NRXN1: variants seen among roughly 807,000 people sequenced by gnomAD.
NRXN1 encodes the protein neurexin-1.
In NRXN1, 39 loss-of-function variants were observed where a neutral mutation model predicts 150.9. The ratio of observed to expected loss-of-function variants is 0.26; its 90% CI spans 0.20 to 0.34. NRXN1 has a LOEUF of 0.34. Among genes scored for constraint, NRXN1 ranks in the 10% least tolerant of loss-of-function variants. The pLI, the probability that NRXN1 is intolerant of heterozygous loss-of-function variation, is 1.00. For synonymous variants in NRXN1, 924 were observed against 757.0 expected (o/e 1.22, Z -3.62); for missense variants, 1,815 against 1,949.9 (o/e 0.93, Z 1.30).
At chr2:50,432,648 T>C (rs2104383433) in intron 17 of NRXN1, among the ~76,000 whole-genome samples, 1 of 152,276 alleles carries the variant, frequency 6.6e-6, no homozygotes, top group South Asian at 2.1e-4. Context: ...CAGGAGAGTT[T>C]TTATCCTTCT....
At chr2:50,280,454 G>A (rs1426214891) in intron 17 of NRXN1, among the ~76,000 whole-genome samples, 2 of 152,072 alleles carry the variant, frequency 1.3e-5, no homozygotes, top group South Asian at 2.1e-4. Flanking sequence ...ATATAGCCAT[G>A]TGGCATGGAT....
chr2:50,520,000 A>G (rs756814964), intron 12 of NRXN1, among the ~76,000 whole-genome samples: 1 of 151,966 alleles, frequency 6.6e-6, no homozygotes, highest in Non-Finnish European at 1.5e-5. Flanking sequence ...TGTTGCTAAA[A>G]TTAGAGAACG....
intron 18 of NRXN1, among the ~76,000 whole-genome samples, chr2:50,176,547 G>T (rs995389337): frequency 6.6e-6 from 1 of 151,934 alleles, no homozygotes; most frequent in Non-Finnish European, 1.5e-5. Context: ...AATATACCCT[G>T]GGAGCAACAT....
chr2:50,436,142 T>C (rs1165662022), intron 17 of NRXN1, among the ~76,000 whole-genome samples: 2 of 152,172 alleles, frequency 1.3e-5, no homozygotes. Context: ...CCAGCTCCCC[T>C]ACTATTTAAT....
chr2:50,131,812 A>G (rs571971268), intron 18 of NRXN1, among the ~76,000 whole-genome samples: 9 of 152,306 alleles, frequency 5.9e-5, no homozygotes, highest in African/African-American at 2.2e-4. Context: ...TTGTAGGAAA[A>G]AAACAGAGGG....
intron 21 of NRXN1, among the ~76,000 whole-genome samples, chr2:49,985,028 G>A (rs1235289332): frequency 6.6e-6 from 1 of 152,194 alleles, no homozygotes; most frequent in African/African-American, 2.4e-5. Context: ...GAATGGGGCA[G>A]TGAAATCAGA....
At chr2:50,912,612 T>A (rs756833108) in intron 5 of NRXN1, among the ~76,000 whole-genome samples, 1 of 151,514 alleles carries the variant, frequency 6.6e-6, no homozygotes, top group Non-Finnish European at 1.5e-5. Flanking sequence ...TGAGAACTAC[T>A]AGGTAGAACA....
intron 5 of NRXN1, among the ~76,000 whole-genome samples, chr2:50,847,840 C>A (rs1425598289): frequency 6.6e-6 from 1 of 152,052 alleles, no homozygotes; most frequent in Non-Finnish European, 1.5e-5. Flanking sequence ...GCTGGAGCGA[C>A]CAGAGAAGAG....
At chr2:50,557,546 G>C (rs1573538044) in intron 8 of NRXN1, among the ~76,000 whole-genome samples, 1 of 152,090 alleles carries the variant, frequency 6.6e-6, no homozygotes, top group East Asian at 1.9e-4. Context: ...TCAAACCTGT[G>C]ACCTTGTGCA....
intron 18 of NRXN1, among the ~76,000 whole-genome samples, chr2:50,098,410 G>A (rs2152706492): frequency 6.6e-6 from 1 of 152,110 alleles, no homozygotes; most frequent in South Asian, 2.1e-4. Flanking sequence ...GCCTCAAACT[G>A]CCATGGGAGC....
intron 17 of NRXN1, among the ~76,000 whole-genome samples, chr2:50,439,673 C>A (rs577416515): frequency 1.3e-5 from 2 of 151,754 alleles, no homozygotes; most frequent in African/African-American, 2.4e-5. Context: ...AAAAATTAGT[C>A]GGGCGTGGTG....
chr2:50,885,520 T>A (rs1361970513), intron 5 of NRXN1, among the ~76,000 whole-genome samples: 1 of 151,250 alleles, frequency 6.6e-6, no homozygotes, highest in Non-Finnish European at 1.5e-5. Context: ...TGCTATGATA[T>A]CCCCATAATG....
Position 50,803,073 on chromosome 2 carries a change from T to A in NRXN1, c.832+118796A>T, listed in dbSNP as rs181091477. ...TAGCCCTAAACAACAAATTCAACTC[T>A]TTTTCCAGTATTAACAGTAGTAAAA... On this transcript the variant is annotated intron_variant, in intron 5 of 22. Transcript: ENST00000401669. Among the ~76,000 whole-genome samples the A allele has an allele frequency of 6.4e-4, 97 of 152,248 alleles. No homozygotes were observed. The East Asian group carries it at 0.015, about 24-fold the overall frequency.
At chr2:50,494,606 C>A (rs1008562799) in intron 15 of NRXN1, among the ~76,000 whole-genome samples, 1 of 152,180 alleles carries the variant, frequency 6.6e-6, no homozygotes, top group South Asian at 2.1e-4. Flanking sequence ...AGAAGGGAGA[C>A]GGCCATTACC....
chr2:51,025,519 T>C (rs776300401), intron 2 of NRXN1, among the ~76,000 whole-genome samples: 1 of 152,176 alleles, frequency 6.6e-6, no homozygotes, highest in African/African-American at 2.4e-5. Context: ...CAAGCTGTCA[T>C]TGTGTCATAT....
intron 21 of NRXN1, among the ~76,000 whole-genome samples, chr2:49,962,695 A>G (rs1198808152): frequency 2.0e-5 from 3 of 152,118 alleles, no homozygotes; most frequent in African/African-American, 7.2e-5. Flanking sequence ...AAGAAGCTAC[A>G]CATGTGATAA....
chr2:50,115,217 G>GTGTATGTA (rs1553626152), intron 18 of NRXN1, among the ~76,000 whole-genome samples: 2 of 134,914 alleles, frequency 1.5e-5, no homozygotes, highest in Non-Finnish European at 3.1e-5. Flanking sequence ...TATGTTATGT[G>GTGTATGTA]TATATATATA....
chr2:50,835,210 C>A (rs1671941663), intron 5 of NRXN1, among the ~76,000 whole-genome samples: 1 of 152,068 alleles, frequency 6.6e-6, no homozygotes, highest in African/African-American at 2.4e-5. Context: ...AGTCACCTTT[C>A]AGATTGTCTC....
chr2:49,990,240 G>A (rs1681689385), intron 21 of NRXN1, among the ~76,000 whole-genome samples: 1 of 152,106 alleles, frequency 6.6e-6, no homozygotes, highest in South Asian at 2.1e-4. Context: ...AAACATTTCT[G>A]TCCCAGTGAA....
Sources: allele counts gnomAD v4.1 joint callset (sites outside exome capture counted in the v4.1 genomes callset), GRCh38; gene constraint gnomAD v4.1.1; transcripts MANE v1.5; gene names NCBI Gene and HGNC (gene_info 2026-07-23, HGNC 2026-07-21).